The following NLN variants were observed in gnomAD, a reference collection of about 807,000 sequenced individuals.
The protein encoded by NLN is neurolysin, also known as neurolysin, mitochondrial.
A neutral mutation model predicts 79.9 loss-of-function variants in NLN; 64 were observed. The observed-to-expected ratio is 0.80, with a 90% CI of 0.65 to 0.99. The LOEUF is 0.99. Among genes scored for constraint, NLN ranks in the 50% least tolerant of loss-of-function variants. NLN has a pLI of 0.00. For synonymous variants in NLN, 267 were observed against 296.6 expected (o/e 0.90, Z 1.02); for missense variants, 835 against 858.7 (o/e 0.97, Z 0.34).
At chr5:65,781,469 G>A in intron 6 of NLN, 48 bp downstream of exon 6, 4 of 1,403,184 alleles carry the variant, frequency 2.9e-6, no homozygotes, top group Non-Finnish European at 4.0e-6. Context: ...AATATTTTAA[G>A]AAAAGGGTTT....
intron 1 of NLN, among the ~76,000 whole-genome samples, chr5:65,753,793 A>AT (rs1488260982): frequency 6.6e-6 from 1 of 152,048 alleles, no homozygotes; most frequent in African/African-American, 2.4e-5. Context: ...TCTCTTTCAT[A>AT]TTCATGTAAC....
Position 65,788,387 on chromosome 5 carries a change from G to A in NLN, c.1228G>A (p.Asp410Asn). ...GGGACTTTCATTTGAACAAATGACA[G>A]ATGCTCATGTTTGGAACAAGAGTGT... is the stretch of plus-strand genomic sequence containing the variant. The part of the protein sequence containing the change: ...LLGLSFEQMT[D>N]AHVWNKSVTL... The change falls in exon 8 of 13, where the codon GAT becomes AAT. Residue 410 changes from aspartate (D) to asparagine (N), a missense_variant. Asp to Asn is a conservative substitution (Grantham distance 23). Transcript: ENST00000380985. 2 of 1,614,180 alleles carry A rather than the reference G, an allele frequency of 1.2e-6. No individual in the cohort carries two copies. The highest frequency in any genetic ancestry group is 1.7e-6 in the Non-Finnish European group (2 of 1,180,008).
chr5:65,787,994 C>A, intron 7 of NLN, 124 bp from the exon 8 acceptor site: 3 of 918,912 alleles, frequency 3.3e-6, no homozygotes, highest in Non-Finnish European at 4.9e-6. Flanking sequence ...TTACCTCTTT[C>A]CGCCTTATTT....
intron 9 of NLN, among the ~76,000 whole-genome samples, chr5:65,799,500 A>G (rs754394203): frequency 1.2e-4 from 18 of 152,220 alleles, no homozygotes; most frequent in Admixed American, 4.6e-4. Context: ...CATCCATTTC[A>G]CAGATATTTA....
At chr5:65,778,148 A>T (rs927674942) in intron 4 of NLN, among the ~76,000 whole-genome samples, 1 of 152,182 alleles carries the variant, frequency 6.6e-6, no homozygotes, top group African/African-American at 2.4e-5. Flanking sequence ...AGCACCTTGG[A>T]ATGGAGTATC....
intron 5 of NLN, 55 bp downstream of exon 5, chr5:65,780,336 C>A: frequency 1.5e-6 from 1 of 666,002 alleles, no homozygotes; most frequent in Non-Finnish European, 2.6e-6. Context: ...AATAGTGTTA[C>A]CTCACAGTTT....
At chr5:65,756,450 T>G (rs1372662101) in intron 1 of NLN, among the ~76,000 whole-genome samples, 2 of 152,104 alleles carry the variant, frequency 1.3e-5, no homozygotes, top group Non-Finnish European at 2.9e-5. Context: ...TCCTCCTATT[T>G]CCTAGTTTTA....
Position 65,758,449 on chromosome 5 carries a change from CT to C in NLN, c.42-116del, listed in dbSNP as rs1759267191. ...ATATGTGTTCACCTGAGAGTATTTG[CT>C]TGTTTTTTTAAAAAGGTTCTTTTTA... On this transcript the variant is annotated intron_variant, in intron 1 of 12. Transcript: ENST00000380985. 3 of 659,348 alleles carry C rather than the reference CT, an allele frequency of 4.5e-6. No individual in the cohort carries two copies. In the East Asian group the frequency reaches 8.3e-5, roughly 18 times the overall value. 40.8% of individuals were successfully genotyped at this position (659,348 alleles called of 1,614,324 possible). A position where few individuals can be genotyped will look rare whatever the true frequency, so the allele number is the denominator to read the frequency against.
At chr5:65,768,487 G>A (rs979172086) in intron 3 of NLN, among the ~76,000 whole-genome samples, 3 of 152,154 alleles carry the variant, frequency 2.0e-5, no homozygotes, top group African/African-American at 7.2e-5. Context: ...CTCAATACGT[G>A]GGGATTAAAA....
intron 12 of NLN, among the ~76,000 whole-genome samples, chr5:65,819,814 C>T (rs1163136292): frequency 6.6e-6 from 1 of 152,084 alleles, no homozygotes; most frequent in Non-Finnish European, 1.5e-5. Context: ...AGCCTGGTAC[C>T]CCCCGAAACA....
Position 65,792,508 on chromosome 5 carries a change from G to A in NLN, c.1380G>A (p.Leu460=). ...ACFGLQPGCL[L]PDGSRMMAVA... ...TCGGTCTCCAGCCTGGCTGCCTTCT[G>A]CCTGATGGAAGCCGGATGATGGCAG... The change falls in exon 9 of 13, where the codon CTG becomes CTA. Residue 460 remains leucine (L), a synonymous_variant. Coordinates refer to ENST00000380985, the MANE Select transcript of NLN (RefSeq NM_020726.5). The A allele has an allele frequency of 6.2e-7, 1 of 1,614,142 alleles. No homozygotes were observed. Among genetic ancestry groups the A allele is most frequent in the Non-Finnish European group, 8.5e-7 (1 of 1,180,018 alleles).
At chr5:65,806,417 C>T (rs1760411624) in intron 9 of NLN, among the ~76,000 whole-genome samples, 1 of 152,142 alleles carries the variant, frequency 6.6e-6, no homozygotes, top group East Asian at 1.9e-4. Flanking sequence ...TCAACATTAA[C>T]AGAAATTTGT....
At chr5:65,796,700 G>T (rs114654377) in intron 9 of NLN, among the ~76,000 whole-genome samples, 5 of 152,160 alleles carry the variant, frequency 3.3e-5, no homozygotes, top group Non-Finnish European at 7.3e-5. Flanking sequence ...CATAGGCACC[G>T]ATCCATATAT....
At position 65,825,477 on chromosome 5, in the gene NLN, C is replaced by T. The variant is rs1378925103; in HGVS notation, c.*2562C>T. ...TATGCAAATGGATAGTAGGCATGAT[C>T]CTAAAGGTTTAGTTTTACGATGCTG... On this transcript the variant is annotated 3_prime_UTR_variant, in exon 13 of 13. Transcript: ENST00000380985. 2.6e-5 allele frequency: 4 copies of T among 151,608 alleles called. No individual in the cohort carries two copies. The allele number at this position is 151,608 out of a possible 1,614,324, so 9.4% of individuals were successfully genotyped here.
intron 1 of NLN, among the ~76,000 whole-genome samples, chr5:65,730,535 A>G (rs906806505): frequency 6.7e-6 from 1 of 149,486 alleles, no homozygotes; most frequent in Non-Finnish European, 1.5e-5. Flanking sequence ...TTTTTTTTCT[A>G]TTTTCTTCTT....
At chr5:65,767,734 G>T (rs139743687) in intron 3 of NLN, among the ~76,000 whole-genome samples, 6 of 152,132 alleles carry the variant, frequency 3.9e-5, no homozygotes, top group African/African-American at 1.4e-4. Flanking sequence ...CATAAGTCCC[G>T]ATTTCAAACC....
At chr5:65,729,640 C>A (rs906688994) in intron 1 of NLN, among the ~76,000 whole-genome samples, 1 of 152,128 alleles carries the variant, frequency 6.6e-6, no homozygotes, top group African/African-American at 2.4e-5. Context: ...TCCCAAAGTG[C>A]TGGGATTACA....
At chr5:65,722,602 C>T (rs1431852747) in intron 1 of NLN, among the ~76,000 whole-genome samples, 188 bp downstream of exon 1, 2 of 152,230 alleles carry the variant, frequency 1.3e-5, no homozygotes, top group African/African-American at 4.8e-5. Flanking sequence ...CCACCTTTCC[C>T]GCCTCCGCTC....
chr5:65,785,900 A>G lies in NLN; in HGVS notation c.948A>G (p.Thr316=). ...CTGCAAAGAGCACAAGCCGCGTAAC[A>G]GCCTTTCTAGGTTAGTTCTTTTTTT... ...MNTAKSTSRV[T]AFLDDLSQKL... The change falls in exon 7 of 13, where the codon ACA becomes ACG. Residue 316 remains threonine, a synonymous_variant. Transcript: ENST00000380985. The G allele has an allele frequency of 6.2e-7, 1 of 1,609,990 alleles. No homozygotes were observed. The highest frequency in any genetic ancestry group is 2.2e-5 in the East Asian group (1 of 44,862).
Sources: allele counts gnomAD v4.1 joint callset (sites outside exome capture counted in the v4.1 genomes callset), GRCh38; gene constraint gnomAD v4.1.1; transcripts MANE v1.5; gene names NCBI Gene and HGNC (gene_info 2026-07-23, HGNC 2026-07-21).